Variants in IRF2 observed in about 807,000 individuals in gnomAD.
IRF2 encodes interferon regulatory factor 2.
Under a neutral mutation model 40.6 loss-of-function variants are expected in IRF2, and 15 were observed. The ratio of observed to expected loss-of-function variants is 0.37; its 90% CI spans 0.25 to 0.57. The LOEUF is 0.57. Ranked by LOEUF, IRF2 falls within the 20% of genes least tolerant of loss-of-function variation. The pLI is 0.77. For synonymous variants in IRF2, 151 were observed against 165.5 expected (o/e 0.91, Z 0.67); for missense variants, 317 against 455.7 (o/e 0.70, Z 2.77).
chr4:184,455,896 A>G (rs1337293653), intron 1 of IRF2, among the ~76,000 whole-genome samples: 1 of 152,240 alleles, frequency 6.6e-6, no homozygotes, highest in Non-Finnish European at 1.5e-5. Flanking sequence ...GCTGTGTGCC[A>G]AGCATTATCT....
In IRF2 at chr4:184,388,613, T is replaced by G. The variant is rs1246243242; in HGVS notation, c.*145A>C. On this transcript the variant is annotated 3_prime_UTR_variant, in exon 9 of 9. Transcript: ENST00000393593. This position sits in a 1 kb window ranked among gnomAD's most constrained non-coding sequence, Gnocchi z 4.6. Reference sequence around the variant, plus strand: ...TTAAAGAGAAGCTCCAGTACTGGAGTTGGACACAGCAATCAATGTTCTATT... The same window carrying G: ...TTAAAGAGAAGCTCCAGTACTGGAGGTGGACACAGCAATCAATGTTCTATT... 11 of 804,612 alleles carry G rather than the reference T, an allele frequency of 1.4e-5. No individual in the cohort carries two copies. The South Asian group carries it at 1.6e-4, about 12-fold the overall frequency. 49.8% of individuals were successfully genotyped at this position (804,612 alleles called of 1,614,324 possible).
chr4:184,389,719 C>G (rs560044865), intron 8 of IRF2, among the ~76,000 whole-genome samples: 2 of 152,158 alleles, frequency 1.3e-5, no homozygotes, highest in African/African-American at 4.8e-5. Flanking sequence ...CTCTGCGGCT[C>G]GGCCCGATTA....
At chr4:184,396,905 C>G in intron 7 of IRF2, among the ~76,000 whole-genome samples, 1 of 152,130 alleles carries the variant, frequency 6.6e-6, no homozygotes, top group East Asian at 1.9e-4. Flanking sequence ...GAGTTCTAGA[C>G]CAACCTGGGC....
rs1385108391 is a variant in IRF2, at chr4:184,408,825, C to A, written c.412-550G>T. ...CCACCTGAGGCCCTGCATTGGATGG[C>A]TGGCTGATCACCCTGGCCTGAGTCC... On this transcript the variant is annotated intron_variant, in intron 5 of 8. Transcript: ENST00000393593. This position sits in a 1 kb window ranked among gnomAD's most constrained non-coding sequence, Gnocchi z 4.9. Among the ~76,000 whole-genome samples, 4 of 152,240 alleles carry A rather than the reference C, an allele frequency of 2.6e-5. No individual in the cohort carries two copies. Among genetic ancestry groups the A allele is most frequent in the African/African-American group, 4.8e-5 (2 of 41,452 alleles).
In IRF2 at chr4:184,413,318, G is replaced by T. The variant is rs528276904; in HGVS notation, c.411+4849C>A. On this transcript the variant is annotated intron_variant, in intron 5 of 8. Coordinates refer to ENST00000393593, the MANE Select transcript of IRF2 (RefSeq NM_002199.4). The surrounding 1 kb of genome is among the most constrained non-coding windows in gnomAD (Gnocchi z 4.2). ...ACTGTCCCTCAAGCTCTTCCAACTGGGTTCGGAGCTCCCGTTCTGAGCTAC... is the reference window on the plus strand; with the variant it reads ...ACTGTCCCTCAAGCTCTTCCAACTGTGTTCGGAGCTCCCGTTCTGAGCTAC... Among the ~76,000 whole-genome samples, 1 of 152,310 alleles carries T rather than the reference G, an allele frequency of 6.6e-6. No homozygotes were observed. Among genetic ancestry groups the T allele is most frequent in the East Asian group, 1.9e-4 (1 of 5,184 alleles).
chr4:184,468,685 G>T (rs977939735), intron 1 of IRF2, among the ~76,000 whole-genome samples: 1 of 152,132 alleles, frequency 6.6e-6, no homozygotes, highest in Non-Finnish European at 1.5e-5. Flanking sequence ...AGAGATCCTC[G>T]ATTCAGTGGC....
In IRF2 at chr4:184,418,155, A is replaced by C; in HGVS notation, c.411+12T>G. The C allele has an allele frequency of 6.2e-7, 1 of 1,611,062 alleles. No individual in the cohort carries two copies. Among genetic ancestry groups the C allele is most frequent in the Non-Finnish European group, 8.5e-7 (1 of 1,177,250 alleles). On this transcript the variant is annotated intron_variant, in intron 5 of 8. Coordinates refer to ENST00000393593, the MANE Select transcript of IRF2 (RefSeq NM_002199.4). ...CCAACTTTGGCTTTCTCTCTGAATC[A>C]CCCAAGATTACCTTGATGTGCTTAA...
intron 1 of IRF2, among the ~76,000 whole-genome samples, chr4:184,445,072 C>T (rs1738453534): frequency 6.6e-6 from 1 of 152,210 alleles, no homozygotes; most frequent in Non-Finnish European, 1.5e-5. Flanking sequence ...GCTCTCTTCC[C>T]CCACAGCACC....
At chr4:184,393,699 A>G (rs1385912238) in intron 7 of IRF2, among the ~76,000 whole-genome samples, 1 of 143,020 alleles carries the variant, frequency 7.0e-6, no homozygotes, top group Non-Finnish European at 1.6e-5. Flanking sequence ...TGTCTAGATT[A>G]AGTTCCACAG....
At chr4:184,459,397 G>A (rs1038962635) in intron 1 of IRF2, among the ~76,000 whole-genome samples, 2 of 152,114 alleles carry the variant, frequency 1.3e-5, no homozygotes, top group Non-Finnish European at 2.9e-5. Context: ...AAGGGAAGGG[G>A]CAGGCAATCG....
At chr4:184,460,696 CAT>C (rs1739112383) in intron 1 of IRF2, among the ~76,000 whole-genome samples, 1 of 151,654 alleles carries the variant, frequency 6.6e-6, no homozygotes, top group African/African-American at 2.4e-5. Flanking sequence ...CACACACACA[CAT>C]GCACACGCAC....
chr4:184,440,445 A>T (rs982720953), intron 1 of IRF2, among the ~76,000 whole-genome samples: 1 of 152,232 alleles, frequency 6.6e-6, no homozygotes, highest in Non-Finnish European at 1.5e-5. Flanking sequence ...ATGGGATTCC[A>T]GCTCCAGGGG....
chr4:184,401,269 G>A (rs913527683), intron 6 of IRF2, among the ~76,000 whole-genome samples: 2 of 152,178 alleles, frequency 1.3e-5, no homozygotes, highest in African/African-American at 4.8e-5. Flanking sequence ...TGCTGTCTGT[G>A]GAGTGACAAG....
intron 1 of IRF2, among the ~76,000 whole-genome samples, chr4:184,470,407 G>A (rs1270434688): frequency 1.3e-5 from 2 of 152,132 alleles, no homozygotes; most frequent in African/African-American, 2.4e-5. Flanking sequence ...GCAGGCCGGC[G>A]CAGTGGCTCA....
intron 1 of IRF2, chr4:184,472,210 C>T (rs1352092601): frequency 6.6e-6 from 1 of 152,100 alleles, no homozygotes; most frequent in East Asian, 1.9e-4. Flanking sequence ...CTACTTTTGC[C>T]CCTTCTCCCA....
At chr4:184,398,022 A>C (rs996399484) in intron 7 of IRF2, among the ~76,000 whole-genome samples, 1 of 152,212 alleles carries the variant, frequency 6.6e-6, no homozygotes, top group Non-Finnish European at 1.5e-5. Context: ...TGGCTCAGTC[A>C]TCTGGCCTAA....
Position 184,388,846 on chromosome 4 carries a change from G to A in IRF2, c.962C>T (p.Ser321Phe). 2 of 1,614,120 alleles carry A rather than the reference G, an allele frequency of 1.2e-6. No homozygotes were observed. Among genetic ancestry groups the A allele is most frequent in the Non-Finnish European group, 1.7e-6 (2 of 1,180,030 alleles). ...CTCCCGGTCTGGCCGACTGCTGCTG[G>A]ATGCTGGGGTCATGGAGGAAGAAAG... ...LPLSSSMTPA[S>F]SSSRPDRETR... Residue 321 changes from serine to phenylalanine, a missense_variant, in exon 9 of 9, where the codon TCC becomes TTC. Coordinates refer to ENST00000393593, the MANE Select transcript of IRF2 (RefSeq NM_002199.4). This position sits in a 1 kb window ranked among gnomAD's most constrained non-coding sequence, Gnocchi z 4.6.
At chr4:184,419,052 G>A (rs1423596825) in intron 3 of IRF2, among the ~76,000 whole-genome samples, 1 of 152,222 alleles carries the variant, frequency 6.6e-6, no homozygotes, top group East Asian at 1.9e-4. Context: ...GCAGAGGGAA[G>A]CTGAGTGCCT....
intron 2 of IRF2, among the ~76,000 whole-genome samples, chr4:184,421,099 G>T (rs1440469226): frequency 1.3e-5 from 2 of 152,212 alleles, no homozygotes; most frequent in African/African-American, 4.8e-5. Flanking sequence ...AGATGCTGAG[G>T]AAGGAGAGGA....
Sources: allele counts gnomAD v4.1 joint callset (sites outside exome capture counted in the v4.1 genomes callset), GRCh38; gene constraint gnomAD v4.1.1; non-coding constraint Gnocchi (gnomAD v3.1); transcripts MANE v1.5; gene names NCBI Gene and HGNC (gene_info 2026-07-23, HGNC 2026-07-21).